Variants in MTIF2 observed in about 807,000 individuals in gnomAD.
The protein encoded by MTIF2 is mitochondrial translational initiation factor 2, also known as translation initiation factor IF-2, mitochondrial.
Under a neutral mutation model 83.5 loss-of-function variants are expected in MTIF2, and 71 were observed. The ratio of observed to expected loss-of-function variants is 0.85; its 90% confidence interval spans 0.70 to 1.04. MTIF2 has a LOEUF of 1.04. Ranked by LOEUF, MTIF2 falls within the 50% of genes least tolerant of loss-of-function variation. The pLI is 0.00. For synonymous variants in MTIF2, 319 were observed against 287.1 expected (o/e 1.11, Z -1.12); for missense variants, 957 against 846.5 (o/e 1.13, Z -1.62).
intron 5 of MTIF2, among the ~76,000 whole-genome samples, chr2:55,256,026 G>A (rs771388624): frequency 2.0e-5 from 3 of 151,978 alleles, no homozygotes; most frequent in Non-Finnish European, 4.4e-5. Context: ...GCAAGTGCAC[G>A]CCACCATCCC....
At chr2:55,259,906 T>C (rs531533860) in intron 5 of MTIF2, among the ~76,000 whole-genome samples, 4 of 152,130 alleles carry the variant, frequency 2.6e-5, no homozygotes, top group Non-Finnish European at 5.9e-5. Flanking sequence ...ATCCTGCCAC[T>C]GCACTCCAGC....
chr2:55,261,529 C>A (rs1272588560), intron 5 of MTIF2, among the ~76,000 whole-genome samples: 1 of 151,558 alleles, frequency 6.6e-6, no homozygotes, highest in East Asian at 2.0e-4. Context: ...ACCACTTGAA[C>A]CTGGGAGGCG....
chr2:55,241,557 T>C (rs1270393346), intron 13 of MTIF2, among the ~76,000 whole-genome samples: 1 of 148,982 alleles, frequency 6.7e-6, no homozygotes, highest in Non-Finnish European at 1.5e-5. Context: ...TAAGAAGCCA[T>C]TCAGGCCGGG....
intron 13 of MTIF2, among the ~76,000 whole-genome samples, chr2:55,242,307 C>A (rs905994447): frequency 6.6e-6 from 1 of 152,172 alleles, no homozygotes; most frequent in Admixed American, 6.5e-5. Flanking sequence ...TAACTCTAAT[C>A]AAGTCAGGTT....
In MTIF2 at chr2:55,237,332, TG is replaced by T. The variant is rs1675918225; in HGVS notation, c.1966del (p.Gln656LysfsTer6). 6.2e-7 allele frequency: 1 copy of T among 1,612,842 alleles called. No individual in the cohort carries two copies. Among genetic ancestry groups the T allele is most frequent in the African/African-American group, 1.3e-5 (1 of 74,882 alleles). On this transcript the variant is annotated frameshift_variant, in exon 15 of 16. Coordinates refer to ENST00000263629, the MANE Select transcript of MTIF2 (RefSeq NM_002453.3). LOFTEE classifies it high-confidence loss of function. ...ATTACGGGTTAGTTTAAATTTTTTT[TG>T]TTTTTCTAACTGTCCCTTTTGGACT... is the stretch of plus-strand genomic sequence containing the variant. ...CRVQKGQLEK[Q>X]KKFKLTRNGH...
intron 1 of MTIF2, 139 bp from the exon 2 acceptor site, chr2:55,268,878 T>C (rs1031408639): frequency 6.6e-6 from 1 of 152,144 alleles, no homozygotes; most frequent in Non-Finnish European, 1.5e-5. Context: ...CGCCTCAAAT[T>C]GGAGCCCAGA....
rs757921460 is a variant in MTIF2, at chr2:55,254,152, T to C, written c.553A>G (p.Ile185Val). Residue 185 changes from isoleucine (I) to valine (V), a missense_variant, in exon 7 of 16, where the codon ATA becomes GTA. Physicochemically the swap from Ile to Val is conservative, Grantham distance 29. Transcript: ENST00000263629. ...LLTPRSPVVT[I>V]MGHVDHGKTT... ...TTCCCGTGATCAACATGGCCCATTA[T>C]AGTAACAACTGGGGACCTTGGGGTT... 2.5e-6 allele frequency: 4 copies of C among 1,614,190 alleles called. No homozygotes were observed. Among genetic ancestry groups the C allele is most frequent in the South Asian group, 2.2e-5 (2 of 91,090 alleles).
intron 3 of MTIF2, 104 bp from the exon 4 acceptor site, chr2:55,263,969 G>A (rs1678239647): frequency 9.6e-6 from 8 of 832,258 alleles, no homozygotes; most frequent in Non-Finnish European, 1.5e-5. Flanking sequence ...TAGCTCACTA[G>A]ACTTACAACA....
chr2:55,248,765 G>C (rs985051534), intron 9 of MTIF2, among the ~76,000 whole-genome samples: 1 of 152,160 alleles, frequency 6.6e-6, no homozygotes, highest in Non-Finnish European at 1.5e-5. Flanking sequence ...CTTAAATGCT[G>C]TAAGACCTGT....
At chr2:55,238,468 AGCAAACTCC>A (rs1359171624) in intron 14 of MTIF2, among the ~76,000 whole-genome samples, 2 of 138,172 alleles carry the variant, frequency 1.4e-5, no homozygotes, top group Non-Finnish European at 3.0e-5. Context: ...TTGGCTCACC[AGCAAACTCC>A]GCCTCCTGGG....
chr2:55,263,936 T>C (rs1341978465), intron 3 of MTIF2, 71 bp from the exon 4 acceptor site: 8 of 1,147,432 alleles, frequency 7.0e-6, no homozygotes, highest in Non-Finnish European at 1.0e-5. Context: ...ATATTTACTA[T>C]ATGCATAGCA....
chr2:55,269,022 G>C (rs532449173), intron 1 of MTIF2, 147 bp downstream of exon 1: 1 of 152,228 alleles, frequency 6.6e-6, no homozygotes, highest in Non-Finnish European at 1.5e-5. Context: ...GGCTCACGCA[G>C]GGATTAAATG....
intron 12 of MTIF2, 54 bp from the exon 13 acceptor site, chr2:55,243,134 A>T: frequency 6.7e-7 from 1 of 1,502,662 alleles, no homozygotes; most frequent in Non-Finnish European, 9.0e-7. Context: ...ACATCAGCAG[A>T]CATAAAAATG....
chr2:55,259,951 A>G (rs1458399633), intron 5 of MTIF2, among the ~76,000 whole-genome samples: 1 of 152,156 alleles, frequency 6.6e-6, no homozygotes, highest in East Asian at 1.9e-4. Flanking sequence ...TTCAAAAAAA[A>G]AGTTTTAAAA....
intron 8 of MTIF2, among the ~76,000 whole-genome samples, chr2:55,252,258 T>C (rs1483163573): frequency 6.6e-6 from 1 of 152,228 alleles, no homozygotes; most frequent in South Asian, 2.1e-4. Context: ...GGAAAGATTG[T>C]ACCTGTGGTC....
intron 13 of MTIF2, 120 bp downstream of exon 13, chr2:55,242,820 G>C: frequency 1.0e-6 from 1 of 989,990 alleles, no homozygotes; most frequent in Non-Finnish European, 1.5e-6. Context: ...ACTATAGCAG[G>C]AAGGGTGATG....
chr2:55,237,779 T>G (rs1401362249), intron 14 of MTIF2, among the ~76,000 whole-genome samples: 1 of 149,514 alleles, frequency 6.7e-6, no homozygotes, highest in Non-Finnish European at 1.5e-5. Flanking sequence ...GCCTCCCGAG[T>G]AGCTGGGATT....
intron 1 of MTIF2, 42 bp downstream of exon 1, chr2:55,269,127 C>G (rs1199674552): frequency 6.6e-6 from 1 of 152,290 alleles, no homozygotes; most frequent in Admixed American, 6.5e-5. Flanking sequence ...CCACCTGCAC[C>G]GGACAACCCT....
intron 3 of MTIF2, 61 bp downstream of exon 3, chr2:55,267,508 G>C (rs764968954): frequency 6.2e-5 from 10 of 161,024 alleles, no homozygotes; most frequent in Non-Finnish European, 2.9e-5. Flanking sequence ...ACAGAAACAA[G>C]TACAGTATAG....
Sources: gnomAD v4.1 joint callset for allele counts (sites outside exome capture counted in the v4.1 genomes callset) on GRCh38, gnomAD v4.1.1 for gene constraint, MANE v1.5 for transcripts, NCBI Gene and HGNC (gene_info 2026-07-23, HGNC 2026-07-21) for gene names.